Variants in ERICH3 observed in about 807,000 individuals in gnomAD.
ERICH3 encodes glutamate-rich protein 3.
ERICH3 carries 126 observed loss-of-function variants against 131.1 expected under a neutral mutation model. The observed-to-expected ratio is 0.96, with a 90% CI of 0.83 to 1.11. ERICH3 has a LOEUF of 1.11. Among genes scored for constraint, ERICH3 ranks in the 50% most tolerant of loss-of-function variants. The pLI is 0.00. For missense variants in ERICH3, 2,050 were observed against 1,810.7 expected (o/e 1.13, Z -2.40); for synonymous variants, 695 against 644.6 (o/e 1.08, Z -1.18).
chr1:74,612,552 G>T, intron 9 of ERICH3, 71 bp downstream of exon 9: 1 of 1,306,882 alleles, frequency 7.7e-7, no homozygotes, highest in Non-Finnish European at 1.0e-6. Context: ...GAAGAGAAAT[G>T]CATTAGTAAA....
In ERICH3 at chr1:74,571,193, G is replaced by T; in HGVS notation, c.4517C>A (p.Thr1506Asn). 1 of 1,614,068 alleles carries T rather than the reference G, an allele frequency of 6.2e-7. No individual in the cohort carries two copies. Among genetic ancestry groups the T allele is most frequent in the East Asian group, 2.2e-5 (1 of 44,856 alleles). Residue 1506 changes from threonine (T) to asparagine (N), a missense_variant, in exon 14 of 15, where the codon ACC becomes AAC. Coordinates refer to ENST00000326665, the MANE Select transcript of ERICH3 (RefSeq NM_001002912.5). ...TLPVKPDFTETREKQQHMVQG... is the reference protein window; with the variant it reads ...TLPVKPDFTENREKQQHMVQG... ...CACCATATGCTGTTGCTTCTCTCGG[G>T]TTTCAGTGAAATCAGGCTTCACTGG...
At chr1:74,649,195 G>A in intron 2 of ERICH3, 27 bp downstream of exon 2, 1 of 1,497,970 alleles carries the variant, frequency 6.7e-7, no homozygotes, top group Non-Finnish European at 9.2e-7. Flanking sequence ...AAACAAGAAG[G>A]TCAGTGGAAA....
chr1:74,667,003 C>G (rs946664825), intron 1 of ERICH3, among the ~76,000 whole-genome samples: 1 of 152,226 alleles, frequency 6.6e-6, no homozygotes, highest in African/African-American at 2.4e-5. Flanking sequence ...CTGCACAAGT[C>G]TTCCTATTCA....
chr1:74,665,334 C>T (rs758811807), intron 1 of ERICH3, among the ~76,000 whole-genome samples: 8 of 152,142 alleles, frequency 5.3e-5, no homozygotes, highest in Non-Finnish European at 1.2e-4. Context: ...CTAAGCCACC[C>T]AGTCTATGGT....
At chr1:74,625,085 A>C (rs1449738068) in intron 7 of ERICH3, 1 of 152,096 alleles carries the variant, frequency 6.6e-6, no homozygotes, top group Non-Finnish European at 1.5e-5. Flanking sequence ...CCAGATTGGT[A>C]AACATTATTC....
chr1:74,612,638 G>C lies in ERICH3; in HGVS notation c.1172C>G (p.Ser391Ter). The C allele has an allele frequency of 6.4e-7, 1 of 1,562,142 alleles. No homozygotes were observed. Among genetic ancestry groups the C allele is most frequent in the Non-Finnish European group, 8.8e-7 (1 of 1,142,692 alleles). Residue 391 changes from serine to a stop codon, truncating the protein, a stop_gained, in exon 9 of 15, where the codon TCA becomes TGA. Transcript: ENST00000326665. LOFTEE classifies it high-confidence loss of function. ...GTTTCCATACTTGTAGCAAGGAGAT[G>C]ATCTCTCAACACACACAAACCCAAA... ...GYFGFVCVER[S>*]SPCYKCIIAM... is the part of the protein sequence containing the mutation.
intron 1 of ERICH3, among the ~76,000 whole-genome samples, chr1:74,653,508 A>G (rs1341371611): frequency 6.6e-6 from 1 of 152,110 alleles, no homozygotes; most frequent in African/African-American, 2.4e-5. Context: ...TTAATTACCA[A>G]GTATCTCCAT....
chr1:74,592,573 A>G (rs560813184), intron 11 of ERICH3, among the ~76,000 whole-genome samples: 11 of 152,176 alleles, frequency 7.2e-5, no homozygotes, highest in Non-Finnish European at 1.6e-4. Flanking sequence ...AGTTGGTCAT[A>G]TAATTTTTAA....
chr1:74,611,558 C>A (rs1230248997), intron 9 of ERICH3, among the ~76,000 whole-genome samples: 1 of 152,130 alleles, frequency 6.6e-6, no homozygotes, highest in Non-Finnish European at 1.5e-5. Flanking sequence ...AAGTTAAAGT[C>A]CTTGCAATGA....
rs551529106 is a variant in ERICH3 at position 74,654,721 on chromosome 1, A to G, written c.24-5406T>C. ...ACATTGGGGATTAGGGTTTCAACAT[A>G]TGAATTTTGGGGAGACACAGACATG... On this transcript the variant is annotated intron_variant, in intron 1 of 14. Coordinates refer to ENST00000326665, the MANE Select transcript of ERICH3 (RefSeq NM_001002912.5). Among the ~76,000 whole-genome samples, 4 of 152,218 alleles carry G rather than the reference A, an allele frequency of 2.6e-5. No individual in the cohort carries two copies. The South Asian group carries it at 6.2e-4, about 24-fold the overall frequency.
chr1:74,598,986 C>G (rs972113139), intron 11 of ERICH3, among the ~76,000 whole-genome samples: 1 of 151,728 alleles, frequency 6.6e-6, no homozygotes, highest in Non-Finnish European at 1.5e-5. Context: ...TATTCATACA[C>G]GTATTGACTT....
At chr1:74,664,930 T>G (rs967242785) in intron 1 of ERICH3, among the ~76,000 whole-genome samples, 1 of 152,214 alleles carries the variant, frequency 6.6e-6, no homozygotes, top group African/African-American at 2.4e-5. Flanking sequence ...CTTTGACTTT[T>G]ATCTCCCTTT....
chr1:74,596,315 C>T (rs914941450), intron 11 of ERICH3, among the ~76,000 whole-genome samples: 9 of 151,186 alleles, frequency 6.0e-5, no homozygotes, highest in Non-Finnish European at 1.2e-4. Flanking sequence ...GCTAGTTAGT[C>T]TTTTTTTTCA....
At chr1:74,663,277 A>G (rs890487743) in intron 1 of ERICH3, among the ~76,000 whole-genome samples, 5 of 152,182 alleles carry the variant, frequency 3.3e-5, no homozygotes, top group African/African-American at 7.2e-5. Context: ...CAAAGCAGAT[A>G]TAAATCCCAC....
intron 8 of ERICH3, among the ~76,000 whole-genome samples, chr1:74,619,626 T>G (rs529546184): frequency 6.6e-5 from 10 of 152,316 alleles, no homozygotes; most frequent in African/African-American, 1.9e-4. Context: ...GAGTGTTACC[T>G]TGGGGAGCCA....
At chr1:74,620,598 T>C in intron 8 of ERICH3, 136 bp downstream of exon 8, 2 of 673,564 alleles carry the variant, frequency 3.0e-6, no homozygotes, top group South Asian at 5.7e-5. Context: ...GATTTACTTT[T>C]AGGCAGCTGG....
intron 8 of ERICH3, among the ~76,000 whole-genome samples, 191 bp from the exon 9 acceptor site, chr1:74,613,000 C>A (rs1648775728): frequency 6.6e-6 from 1 of 151,836 alleles, no homozygotes; most frequent in Non-Finnish European, 1.5e-5. Flanking sequence ...CTAACACAAA[C>A]AATAACTGAT....
Position 74,620,895 on chromosome 1 carries a change from T to A in ERICH3, c.839A>T (p.Lys280Ile). 6.3e-7 allele frequency: 1 copy of A among 1,595,272 alleles called. No individual in the cohort carries two copies. The highest frequency in any genetic ancestry group is 8.5e-7 in the Non-Finnish European group (1 of 1,172,326). Residue 280 changes from lysine to isoleucine, a missense_variant, in exon 8 of 15, where the codon AAA becomes ATA. By Grantham distance (102) the Lys-to-Ile change is moderately radical (BLOSUM62 -3). Transcript: ENST00000326665. ...LLTKDSRRIHKTSLHSNAAIT... is the reference protein window; with the variant it reads ...LLTKDSRRIHITSLHSNAAIT... ...AGCTGCATTACTATGTAAGGATGTT[T>A]TATGAATCCTTCTTGAATCCTGAAA... is the stretch of plus-strand genomic sequence containing the variant.
chr1:74,608,070 C>G (rs1488287381), intron 9 of ERICH3, among the ~76,000 whole-genome samples: 1 of 151,984 alleles, frequency 6.6e-6, no homozygotes, highest in Admixed American at 6.6e-5. Flanking sequence ...TAGCTCAAGA[C>G]TGCTAGGCTC....
Sources: allele counts gnomAD v4.1 joint callset (sites outside exome capture counted in the v4.1 genomes callset), GRCh38; gene constraint gnomAD v4.1.1; transcripts MANE v1.5; gene names NCBI Gene and HGNC (gene_info 2026-07-23, HGNC 2026-07-21).